Variants in WDR75 observed in about 807,000 individuals in gnomAD.
The protein encoded by WDR75 is WD repeat-containing protein 75.
A neutral mutation model predicts 106.1 loss-of-function variants in WDR75; 52 were observed. The observed-to-expected ratio is 0.49, with a 90% CI of 0.39 to 0.62. The LOEUF (loss-of-function observed/expected upper bound fraction) is 0.62, where lower values mean the gene tolerates loss of function less well. WDR75 is among the 20% of genes least tolerant of loss of function. The pLI is 0.00. For missense variants in WDR75, 905 were observed against 970.3 expected, an observed-to-expected ratio of 0.93 and a Z score of 0.89; for synonymous variants, 333 against 335.5, an observed-to-expected ratio of 0.99 and a Z score of 0.08.
intron 5 of WDR75, 86 bp from the exon 6 acceptor site, chr2:189,457,225 G>T: frequency 2.2e-6 from 2 of 890,466 alleles, no homozygotes; most frequent in East Asian, 2.7e-5. Context: ...TGGGGGACAA[G>T]AGCGAGACTT....
intron 5 of WDR75, among the ~76,000 whole-genome samples, 169 bp from the exon 6 acceptor site, chr2:189,457,142 G>GA (rs1686753987): frequency 8.6e-5 from 13 of 151,944 alleles, no homozygotes; most frequent in Admixed American, 6.6e-4. Flanking sequence ...TTGGGAGGCT[G>GA]AAGCAGGAGA....
chr2:189,459,014 A>G (rs2105562619), intron 7 of WDR75, 142 bp downstream of exon 7: 2 of 1,135,506 alleles, frequency 1.8e-6, no homozygotes, highest in Non-Finnish European at 1.2e-6. Flanking sequence ...ACTGTTTTAG[A>G]ATTTCTAGCC....
At position 189,465,358 on chromosome 2, in the gene WDR75, G is replaced by C. The variant is rs1308426132; in HGVS notation, c.1289+104G>C. ...AGATGTTTCATCTTGACAAGGTTTA[G>C]ATTTAGAGATATGGGAGAGGTTTTA... On this transcript the variant is annotated intron_variant, in intron 12 of 20. Transcript: ENST00000314761. 5 of 1,249,034 alleles carry C rather than the reference G, an allele frequency of 4.0e-6. No individual in the cohort carries two copies. In the East Asian group the frequency reaches 1.3e-4, roughly 32 times the overall value. The allele number at this position is 1,249,034 out of a possible 1,614,324, so 77.4% of individuals were successfully genotyped here.
At chr2:189,455,057 A>G (rs1473624022) in intron 4 of WDR75, among the ~76,000 whole-genome samples, 2 of 152,044 alleles carry the variant, frequency 1.3e-5, no homozygotes, top group Admixed American at 6.6e-5. Context: ...CCTGGCCAAC[A>G]TGGTGGAACC....
In WDR75 at chr2:189,448,390, G is replaced by A. The variant is rs1454739288; in HGVS notation, c.98G>A (p.Cys33Tyr). The A allele has an allele frequency of 6.2e-6, 10 of 1,612,744 alleles. No homozygotes were observed. The highest frequency in any genetic ancestry group is 1.3e-5 in the African/African-American group (1 of 74,828). The change falls in exon 2 of 21, where the codon TGT becomes TAT. Residue 33 changes from cysteine (C) to tyrosine (Y), a missense_variant. Coordinates refer to ENST00000314761, the MANE Select transcript of WDR75 (RefSeq NM_032168.3). ...TCTTTTTTTTCCAGGTATATCTTCT[G>A]TGTCTCTGGAGACTTTGTTAAAGTT... ...VFSADSKYIF[C>Y]VSGDFVKVYS...
At chr2:189,467,191 A>T (rs1023380083) in intron 13 of WDR75, among the ~76,000 whole-genome samples, 1 of 152,200 alleles carries the variant, frequency 6.6e-6, no homozygotes, top group African/African-American at 2.4e-5. Flanking sequence ...AGTTTAATTT[A>T]TAAATTAGGC....
rs1312694882 is a variant in WDR75 at position 189,457,923 on chromosome 2, G to GC, written c.569+543dup. On this transcript the variant is annotated intron_variant, in intron 6 of 20. Transcript: ENST00000314761. ...TCTTCCCTTTTACCCTGCCAAGATTGCTTTTTTTTTTTTTTTTTTTGAGAT... is the reference window on the plus strand; with the variant it reads ...TCTTCCCTTTTACCCTGCCAAGATTGCCTTTTTTTTTTTTTTTTTTTGAGAT... Among the ~76,000 whole-genome samples the GC allele has an allele frequency of 7.8e-5, 8 of 103,060 alleles. No homozygotes were observed. In the Admixed American group the frequency reaches 9.6e-4, roughly 12 times the overall value. The allele number at this position is 103,060 out of a possible 152,430, so 67.6% of individuals were successfully genotyped here.
At chr2:189,463,996 A>G in intron 11 of WDR75, 35 bp downstream of exon 11, 1 of 1,577,456 alleles carries the variant, frequency 6.3e-7, no homozygotes, top group Admixed American at 1.7e-5. Flanking sequence ...AAATTAATGA[A>G]AGCTCTTTAC....
At position 189,474,654 on chromosome 2, in the gene WDR75, A is replaced by G. The variant is rs569114727; in HGVS notation, c.2197-63A>G. 178 of 1,392,598 alleles carry G rather than the reference A, an allele frequency of 1.3e-4. No homozygotes were observed. The African/African-American group carries it at 2.1e-3, about 17-fold the overall frequency. 86.3% of individuals were successfully genotyped at this position (1,392,598 alleles called of 1,614,324 possible). ...AAAAGGGACTCCGTGAGGACACTGT[A>G]GGAACAGACTGCGGTGGAGGATAAG... is the stretch of plus-strand genomic sequence containing the variant. On this transcript the variant is annotated intron_variant, in intron 19 of 20. Transcript: ENST00000314761.
At chr2:189,475,186 TTA>T in intron 20 of WDR75, 25 bp from the exon 21 acceptor site, 1 of 1,519,360 alleles carries the variant, frequency 6.6e-7, no homozygotes, top group Non-Finnish European at 9.0e-7. Flanking sequence ...TTAATAGTGT[TTA>T]TATTTTATTC....
chr2:189,448,346 T>G, intron 1 of WDR75, 33 bp from the exon 2 acceptor site: 1 of 1,603,798 alleles, frequency 6.2e-7, no homozygotes, highest in Non-Finnish European at 8.5e-7. Context: ...TAATACAGTA[T>G]GTAAAACTTA....
At chr2:189,468,802 T>C (rs1574203253) in intron 15 of WDR75, among the ~76,000 whole-genome samples, 1 of 152,188 alleles carries the variant, frequency 6.6e-6, no homozygotes, top group Non-Finnish European at 1.5e-5. Flanking sequence ...CTTTTTCTAC[T>C]GTTTTCAGTG....
Position 189,467,655 on chromosome 2 carries a change from A to G in WDR75, c.1628+7A>G. 1 of 1,588,818 alleles carries G rather than the reference A, an allele frequency of 6.3e-7. No individual in the cohort carries two copies. Among genetic ancestry groups the G allele is most frequent in the African/African-American group, 1.4e-5 (1 of 73,904 alleles). ...AACGAGCTGGGAAAATAAGGTAGGT[A>G]AATCTTCGGGAAGTATGTAGTACTA... On this transcript the variant is annotated splice_region_variant and intron_variant, in intron 14 of 20. Coordinates refer to ENST00000314761, the MANE Select transcript of WDR75 (RefSeq NM_032168.3).
chr2:189,460,479 A>T (rs1169219795), intron 8 of WDR75, among the ~76,000 whole-genome samples: 1 of 151,444 alleles, frequency 6.6e-6, no homozygotes, highest in African/African-American at 2.4e-5. Context: ...TGGTATCCAT[A>T]TGTATGTGTC....
Position 189,466,511 on chromosome 2 carries a change from C to G in WDR75, c.1376C>G (p.Pro459Arg), listed in dbSNP as rs149892591. 3,221 of 1,613,228 alleles carry G rather than the reference C, an allele frequency of 2.0e-3. 3 individuals carry two copies. Among genetic ancestry groups the G allele is most frequent in the Non-Finnish European group, 2.4e-3 (2,853 of 1,179,420 alleles). Reference protein sequence around the residue: ...CFCNAEKSEQPTLVTASKDGY... With the variant: ...CFCNAEKSEQRTLVTASKDGY... ...TGTAATGCAGAAAAATCTGAACAGC[C>G]CACCTTGGTTACAGCTAGCAAAGAT... Residue 459 changes from proline to arginine, a missense_variant, in exon 13 of 21, where the codon CCC (proline) becomes CGC (arginine). By Grantham distance (103) the Pro-to-Arg change is moderately radical (BLOSUM62 -2). Transcript: ENST00000314761.
intron 4 of WDR75, 186 bp downstream of exon 4, chr2:189,452,081 GAGGGATTATTT>G: frequency 1.9e-6 from 1 of 525,660 alleles, no homozygotes; most frequent in South Asian, 2.6e-5. Context: ...TGCAGTGAGG[GAGGGATTATTT>G]TTTATGTGGT....
intron 20 of WDR75, 104 bp from the exon 21 acceptor site, chr2:189,475,109 T>G (rs1432056371): frequency 2.2e-6 from 2 of 922,912 alleles, no homozygotes; most frequent in East Asian, 2.7e-5. Flanking sequence ...AACAAAATTC[T>G]TCATTTACTT....
intron 2 of WDR75, among the ~76,000 whole-genome samples, chr2:189,449,040 T>G (rs1344291404): frequency 6.6e-6 from 1 of 152,186 alleles, no homozygotes; most frequent in Non-Finnish European, 1.5e-5. Flanking sequence ...GTCAACTAGT[T>G]AGTTTCAAGA....
chr2:189,465,989 C>A (rs1370281728), intron 12 of WDR75, among the ~76,000 whole-genome samples: 3 of 152,094 alleles, frequency 2.0e-5, no homozygotes, highest in African/African-American at 2.4e-5. Flanking sequence ...AAATAATGAC[C>A]AGCCAGTTTG....
Sources: allele counts gnomAD v4.1 joint callset (sites outside exome capture counted in the v4.1 genomes callset), GRCh38; gene constraint gnomAD v4.1.1; transcripts MANE v1.5; gene names NCBI Gene and HGNC (gene_info 2026-07-23, HGNC 2026-07-21).